Variants in EPS15L1 observed in about 807,000 individuals in gnomAD.
The protein encoded by EPS15L1 is epidermal growth factor receptor substrate 15-like 1.
EPS15L1 carries 43 observed loss-of-function variants against 117.1 expected under a neutral mutation model. The observed-to-expected ratio is 0.37, with a 90% CI of 0.29 to 0.47. The LOEUF (loss-of-function observed/expected upper bound fraction) is 0.47, where lower values mean the gene tolerates loss of function less well. Among genes scored for constraint, EPS15L1 ranks in the 20% least tolerant of loss-of-function variants. The pLI is 0.99. For missense variants in EPS15L1, 981 were observed against 1,164.0 expected, an observed-to-expected ratio of 0.84 and a Z score of 2.29; for synonymous variants, 459 against 470.5, an observed-to-expected ratio of 0.98 and a Z score of 0.32.
intron 1 of EPS15L1, among the ~76,000 whole-genome samples, chr19:16,456,611 T>C (rs781714439): frequency 3.9e-5 from 6 of 152,002 alleles, no homozygotes; most frequent in Non-Finnish European, 5.9e-5. Context: ...TGAGCCAAGA[T>C]GATGCCATTG....
chr19:16,465,578 G>T (rs116122335), intron 1 of EPS15L1, among the ~76,000 whole-genome samples: 1,720 of 152,230 alleles, frequency 0.011, 29 homozygotes, highest in African/African-American at 0.04. Context: ...AGTTCCTTGA[G>T]AGGCTGAGGT....
At chr19:16,360,126 T>C (rs1199146215) in intron 23 of EPS15L1, among the ~76,000 whole-genome samples, 1 of 150,586 alleles carries the variant, frequency 6.6e-6, no homozygotes, top group East Asian at 1.9e-4. Flanking sequence ...TCACAGGAAA[T>C]AGAATTATGA....
intron 1 of EPS15L1, among the ~76,000 whole-genome samples, chr19:16,465,011 G>A (rs188251748): frequency 4.4e-4 from 67 of 151,984 alleles, no homozygotes; most frequent in South Asian, 1.5e-3. Context: ...CCCAGGAGGC[G>A]GAGCTTGCAG....
intron 1 of EPS15L1, among the ~76,000 whole-genome samples, chr19:16,467,741 T>C (rs1393779633): frequency 1.3e-5 from 2 of 152,180 alleles, no homozygotes; most frequent in African/African-American, 4.8e-5. Context: ...TCCGAGCCAC[T>C]CAGCATTCAT....
At position 16,381,435 on chromosome 19, in the gene EPS15L1, C is replaced by T. The variant is rs2092362064; in HGVS notation, c.2247+3694G>A. On this transcript the variant is annotated intron_variant, in intron 21 of 23. Coordinates refer to ENST00000455140, the MANE Select transcript of EPS15L1 (RefSeq NM_001258374.3). The surrounding 1 kb of genome is among the most constrained non-coding windows in gnomAD (Gnocchi z 4.2). ...AGACTGTCCTGCCCAGGCTGGAACC[C>T]CAACCCTGCCACCTACTCAACACCC... 6.6e-6 allele frequency among the ~76,000 whole-genome samples: 1 copy of T among 152,220 alleles called. No individual in the cohort carries two copies. The highest frequency in any genetic ancestry group is 1.5e-5 in the Non-Finnish European group (1 of 68,032).
intron 20 of EPS15L1, among the ~76,000 whole-genome samples, chr19:16,385,505 A>T: frequency 6.6e-6 from 1 of 152,168 alleles, no homozygotes. Flanking sequence ...ACTGGGTCTC[A>T]ATGGGTCAGG....
At chr19:16,382,265 C>T (rs935346342) in intron 21 of EPS15L1, among the ~76,000 whole-genome samples, 5 of 152,212 alleles carry the variant, frequency 3.3e-5, no homozygotes, top group African/African-American at 4.8e-5. Context: ...GCGTCATTTC[C>T]GAATCCCAAT....
chr19:16,458,981 C>G (rs570679170), intron 1 of EPS15L1, among the ~76,000 whole-genome samples: 1 of 152,212 alleles, frequency 6.6e-6, no homozygotes, highest in Non-Finnish European at 1.5e-5. Context: ...GCCTGCTCCA[C>G]GCCTGGGCTG....
At chr19:16,442,087 A>G in intron 2 of EPS15L1, 91 bp downstream of exon 2, 1 of 1,487,338 alleles carries the variant, frequency 6.7e-7, no homozygotes, top group Non-Finnish European at 9.4e-7. Context: ...AGAAAAGGAC[A>G]AAAGGCCGCT....
At chr19:16,403,399 C>T (rs1298917297) in intron 15 of EPS15L1, among the ~76,000 whole-genome samples, 3 of 152,176 alleles carry the variant, frequency 2.0e-5, no homozygotes, top group Non-Finnish European at 4.4e-5. Context: ...CTGACTTTGT[C>T]CCTCTTGTTT....
At chr19:16,384,734 C>T (rs1320959748) in intron 21 of EPS15L1, among the ~76,000 whole-genome samples, 1 of 152,206 alleles carries the variant, frequency 6.6e-6, no homozygotes, top group Non-Finnish European at 1.5e-5. Flanking sequence ...GTCACATGGG[C>T]GACTCTGAAC....
chr19:16,376,389 G>T (rs1398197988), intron 22 of EPS15L1, among the ~76,000 whole-genome samples: 1 of 152,224 alleles, frequency 6.6e-6, no homozygotes, highest in Non-Finnish European at 1.5e-5. Context: ...TGTCATACGA[G>T]AGAAATCCCA....
rs1205690313 is a variant in EPS15L1, at chr19:16,471,189, C to A, written c.33+724G>T. 6.6e-6 allele frequency among the ~76,000 whole-genome samples: 1 copy of A among 152,182 alleles called. No homozygotes were observed. The highest frequency in any genetic ancestry group is 2.4e-5 in the African/African-American group (1 of 41,446). ...ACGAGTGTCACCTCCAGGAAAGCAG[C>A]GACCTTGTCTGTCTGGAAGAATGCA... is the stretch of plus-strand genomic sequence containing the variant. On this transcript the variant is annotated intron_variant, in intron 1 of 23. Coordinates refer to ENST00000455140, the MANE Select transcript of EPS15L1 (RefSeq NM_001258374.3). This position sits in a 1 kb window ranked among gnomAD's most constrained non-coding sequence, Gnocchi z 4.8.
At position 16,355,415 on chromosome 19, in the gene EPS15L1, A is replaced by C; in HGVS notation, c.*290T>G. 1 of 389,944 alleles carries C rather than the reference A, an allele frequency of 2.6e-6. No homozygotes were observed. Among genetic ancestry groups the C allele is most frequent in the South Asian group, 6.3e-5 (1 of 15,992 alleles). 24.2% of individuals were successfully genotyped at this position (389,944 alleles called of 1,614,324 possible). A position where few individuals can be genotyped will look rare whatever the true frequency, so the allele number is the denominator to read the frequency against. ...CCTGGGTGCTTCCTCTCCTCGACTG[A>C]CCGCTGTGTGTTCGTCCCCAGAGGA... On this transcript the variant is annotated 3_prime_UTR_variant, in exon 24 of 24. Coordinates refer to ENST00000455140, the MANE Select transcript of EPS15L1 (RefSeq NM_001258374.3).
Position 16,405,976 on chromosome 19 carries a change from G to T in EPS15L1, c.1267-1227C>A, listed in dbSNP as rs913518218. On this transcript the variant is annotated intron_variant, in intron 13 of 23. Coordinates refer to ENST00000455140, the MANE Select transcript of EPS15L1 (RefSeq NM_001258374.3). This position sits in a 1 kb window ranked among gnomAD's most constrained non-coding sequence, Gnocchi z 4.0. ...AGGACGCAGGAACTGCAGGGGCCTCGGGTGGGGTCCAGGGAGAGGCAGCAG... is the reference window on the plus strand; with the variant it reads ...AGGACGCAGGAACTGCAGGGGCCTCTGGTGGGGTCCAGGGAGAGGCAGCAG... Among the ~76,000 whole-genome samples, 1 of 152,332 alleles carries T rather than the reference G, an allele frequency of 6.6e-6. No homozygotes were observed. The highest frequency in any genetic ancestry group is 2.4e-5 in the African/African-American group (1 of 41,584).
At chr19:16,379,367 A>G (rs2092334632) in intron 21 of EPS15L1, among the ~76,000 whole-genome samples, 1 of 152,208 alleles carries the variant, frequency 6.6e-6, no homozygotes, top group South Asian at 2.1e-4. Flanking sequence ...GAAAGATCAG[A>G]GTGGGGCAGA....
intron 10 of EPS15L1, among the ~76,000 whole-genome samples, chr19:16,419,292 C>A (rs1056741813): frequency 6.6e-6 from 1 of 152,140 alleles, no homozygotes; most frequent in Non-Finnish European, 1.5e-5. Flanking sequence ...AATCCCGCCT[C>A]TACTAAAAAT....
chr19:16,404,621 G>T lies in EPS15L1; in HGVS notation c.1395C>A (p.Asp465Glu). 1 of 1,614,172 alleles carries T rather than the reference G, an allele frequency of 6.2e-7. No homozygotes were observed. Among genetic ancestry groups the T allele is most frequent in the Non-Finnish European group, 8.5e-7 (1 of 1,180,038 alleles). The change falls in exon 14 of 24, where the codon GAC becomes GAA. Residue 465 changes from aspartate (D) to glutamate (E), a missense_variant. Transcript: ENST00000455140. The surrounding 1 kb of genome is among the most constrained non-coding windows in gnomAD (Gnocchi z 4.2). ...TCTCATCCTGGCACTTCTGCCGGAC[G>T]TCGCTCAGCATGTCTCGGAGCTTGG... is the stretch of plus-strand genomic sequence containing the variant. ...QKAKLRDMLS[D>E]VRQKCQDETQ...
intron 9 of EPS15L1, 76 bp downstream of exon 9, chr19:16,425,007 G>A (rs1310210987): frequency 2.5e-5 from 31 of 1,233,350 alleles, no homozygotes; most frequent in Non-Finnish European, 3.6e-5. Flanking sequence ...ACCGTTCTGG[G>A]GTTGCATGTT....
Sources: allele counts gnomAD v4.1 joint callset (sites outside exome capture counted in the v4.1 genomes callset), GRCh38; gene constraint gnomAD v4.1.1; non-coding constraint Gnocchi (gnomAD v3.1); transcripts MANE v1.5; gene names NCBI Gene and HGNC (gene_info 2026-07-23, HGNC 2026-07-21).